Variants in SGCZ observed in about 807,000 individuals in gnomAD.
SGCZ encodes zeta-sarcoglycan.
A neutral mutation model predicts 41.3 loss-of-function variants in SGCZ; 40 were observed. The ratio of observed to expected loss-of-function variants is 0.97; its 90% confidence interval spans 0.75 to 1.26. The LOEUF (loss-of-function observed/expected upper bound fraction) is 1.26, where lower values mean the gene tolerates loss of function less well. SGCZ is among the 50% of genes most tolerant of loss of function. The pLI is 0.00. For missense variants in SGCZ, 552 were observed against 369.8 expected (o/e 1.49, Z -4.04); for synonymous variants, 206 against 137.5 (o/e 1.50, Z -3.49).
intron 1 of SGCZ, among the ~76,000 whole-genome samples, chr8:14,653,290 G>A (rs903774517): frequency 1.3e-5 from 2 of 152,052 alleles, no homozygotes; most frequent in Admixed American, 6.6e-5. Flanking sequence ...CATCAGCAAC[G>A]TGTCTTCCTA....
intron 1 of SGCZ, among the ~76,000 whole-genome samples, chr8:15,031,734 T>C (rs1346009290): frequency 6.6e-6 from 1 of 152,162 alleles, no homozygotes; most frequent in Admixed American, 6.5e-5. Context: ...ATATCAGTAA[T>C]ACCCTAAAGA....
intron 1 of SGCZ, among the ~76,000 whole-genome samples, chr8:14,564,916 T>C (rs754245438): frequency 6.6e-6 from 1 of 152,150 alleles, no homozygotes; most frequent in Non-Finnish European, 1.5e-5. Context: ...ATAATGATAG[T>C]CAAAATTTGC....
At chr8:14,892,175 T>C (rs941652663) in intron 1 of SGCZ, among the ~76,000 whole-genome samples, 5 of 152,202 alleles carry the variant, frequency 3.3e-5, no homozygotes, top group African/African-American at 1.2e-4. Flanking sequence ...GAAAGACTGC[T>C]TACTTGCTAT....
intron 2 of SGCZ, among the ~76,000 whole-genome samples, chr8:14,507,197 T>C (rs1173828759): frequency 6.6e-6 from 1 of 151,392 alleles, no homozygotes; most frequent in Non-Finnish European, 1.5e-5. Flanking sequence ...AAGTCAACTC[T>C]GCATTCAAAT....
intron 1 of SGCZ, among the ~76,000 whole-genome samples, chr8:14,619,571 C>A (rs1806217214): frequency 6.6e-6 from 1 of 152,130 alleles, no homozygotes; most frequent in African/African-American, 2.4e-5. Flanking sequence ...TCTCCTTAAG[C>A]TGATAAGCAA....
At chr8:14,216,224 G>C (rs979849524) in intron 4 of SGCZ, among the ~76,000 whole-genome samples, 1 of 152,072 alleles carries the variant, frequency 6.6e-6, no homozygotes, top group African/African-American at 2.4e-5. Flanking sequence ...AAGCTCTTAG[G>C]AGAATTCAGC....
intron 1 of SGCZ, among the ~76,000 whole-genome samples, chr8:14,712,295 T>G (rs1809545887): frequency 6.6e-6 from 1 of 152,216 alleles, no homozygotes. Context: ...CGCTGCCTGG[T>G]TGATGAAATG....
At chr8:15,003,261 G>T (rs777150977) in intron 1 of SGCZ, among the ~76,000 whole-genome samples, 5 of 152,128 alleles carry the variant, frequency 3.3e-5, no homozygotes, top group Non-Finnish European at 5.9e-5. Context: ...TCTGAAAGAC[G>T]AAGCAGAGAG....
At chr8:14,632,864 G>T (rs370365905) in intron 1 of SGCZ, among the ~76,000 whole-genome samples, 3 of 151,736 alleles carry the variant, frequency 2.0e-5, no homozygotes, top group Non-Finnish European at 4.4e-5. Flanking sequence ...ATGGATAAAG[G>T]TAAATAAAAT....
At chr8:14,827,599 G>T (rs1802378284) in intron 1 of SGCZ, among the ~76,000 whole-genome samples, 1 of 152,126 alleles carries the variant, frequency 6.6e-6, no homozygotes, top group South Asian at 2.1e-4. Flanking sequence ...TTGTGAAAAA[G>T]AAAGAGTCTG....
chr8:14,105,481 A>G (rs1169221745), intron 6 of SGCZ, among the ~76,000 whole-genome samples: 1 of 151,588 alleles, frequency 6.6e-6, no homozygotes, highest in African/African-American at 2.4e-5. Context: ...GCATCAACCA[A>G]CAAACAGTAC....
At chr8:14,150,313 G>T (rs188119766) in intron 5 of SGCZ, among the ~76,000 whole-genome samples, 1 of 152,128 alleles carries the variant, frequency 6.6e-6, no homozygotes, top group Non-Finnish European at 1.5e-5. Context: ...GAATACATAA[G>T]GAGCTCAAAC....
chr8:14,382,280 C>T (rs115379507), intron 2 of SGCZ, among the ~76,000 whole-genome samples: 2 of 152,092 alleles, frequency 1.3e-5, no homozygotes, highest in Non-Finnish European at 2.9e-5. Context: ...TACAAAACTT[C>T]TTTACATCCT....
chr8:14,227,781 C>A (rs1693535826), intron 4 of SGCZ, among the ~76,000 whole-genome samples: 1 of 152,016 alleles, frequency 6.6e-6, no homozygotes, highest in Admixed American at 6.6e-5. Flanking sequence ...ATTTTCTATT[C>A]CCACTACGGT....
chr8:14,866,498 A>G (rs1010630965), intron 1 of SGCZ, among the ~76,000 whole-genome samples: 3 of 152,030 alleles, frequency 2.0e-5, no homozygotes, highest in African/African-American at 4.8e-5. Context: ...CAAAATATCA[A>G]CTCCAAAATG....
intron 1 of SGCZ, among the ~76,000 whole-genome samples, chr8:14,991,542 C>CCCAGA (rs1362125421): frequency 1.3e-5 from 2 of 152,152 alleles, no homozygotes; most frequent in African/African-American, 4.8e-5. Context: ...CCACGTGATG[C>CCCAGA]TTTCCTTGAA....
chr8:15,175,962 G>C (rs1343801503), intron 1 of SGCZ, among the ~76,000 whole-genome samples: 3 of 152,124 alleles, frequency 2.0e-5, no homozygotes, highest in Non-Finnish European at 2.9e-5. Flanking sequence ...GTTGTTTGCA[G>C]CTTTCAGACA....
chr8:14,455,290 T>G (rs1800708852), intron 2 of SGCZ, among the ~76,000 whole-genome samples: 1 of 152,208 alleles, frequency 6.6e-6, no homozygotes, highest in Middle Eastern at 3.4e-3. Flanking sequence ...AAATCATAGT[T>G]AAGGAAATGT....
rs754611626 is a variant in SGCZ, at chr8:14,888,367, G to A, written c.40-333441C>T. On this transcript the variant is annotated intron_variant, in intron 1 of 7. Coordinates refer to ENST00000382080, the MANE Select transcript of SGCZ (RefSeq NM_139167.4). Reference sequence around the variant, plus strand: ...CTTATTTTATTTATTAGGGCCATACGTGAGAAGCTTTGCCATCTTTTAATA... The same window carrying A: ...CTTATTTTATTTATTAGGGCCATACATGAGAAGCTTTGCCATCTTTTAATA... Among the ~76,000 whole-genome samples, 15 of 152,094 alleles carry A rather than the reference G, an allele frequency of 9.9e-5. No homozygotes were observed. The East Asian group carries it at 1.5e-3, about 16-fold the overall frequency.
Sources: allele counts gnomAD v4.1 joint callset (sites outside exome capture counted in the v4.1 genomes callset), GRCh38; gene constraint gnomAD v4.1.1; transcripts MANE v1.5; gene names NCBI Gene and HGNC (gene_info 2026-07-23, HGNC 2026-07-21).